Variants in PHYHD1 observed in about 807,000 individuals in gnomAD.
PHYHD1 encodes phytanoyl-CoA dioxygenase domain-containing protein 1.
Under a neutral mutation model 43.6 loss-of-function variants are expected in PHYHD1, and 42 were observed. That is an observed-to-expected ratio of 0.96 (90% CI 0.75 to 1.25). The LOEUF is 1.25. Among genes scored for constraint, PHYHD1 ranks in the 50% most tolerant of loss-of-function variants. The pLI, the probability that PHYHD1 is intolerant of heterozygous loss-of-function variation, is 0.00. For missense variants in PHYHD1, 342 were observed against 370.8 expected (o/e 0.92, Z 0.64); for synonymous variants, 139 against 143.6 (o/e 0.97, Z 0.23).
Position 128,941,845 on chromosome 9 carries a change from T to A in PHYHD1, c.*132T>A. The A allele has an allele frequency of 3.9e-6, 5 of 1,268,846 alleles. No individual in the cohort carries two copies. Among genetic ancestry groups the A allele is most frequent in the Non-Finnish European group, 5.6e-6 (5 of 897,594 alleles). 78.6% of individuals were successfully genotyped at this position (1,268,846 alleles called of 1,614,324 possible). ...CCTCCTGGGCTTTCCTCCTGCCCTG[T>A]GGGCAGCAGCCTAGGCTGGGTCAGG... On this transcript the variant is annotated 3_prime_UTR_variant, in exon 13 of 13. Coordinates refer to ENST00000372592, the MANE Select transcript of PHYHD1 (RefSeq NM_001100876.2).
Position 128,933,838 on chromosome 9 carries a change from A to G in PHYHD1, c.249A>G (p.Lys83=). 1 of 1,614,150 alleles carries G rather than the reference A, an allele frequency of 6.2e-7. No individual in the cohort carries two copies. Among genetic ancestry groups the G allele is most frequent in the Non-Finnish European group, 8.5e-7 (1 of 1,179,988 alleles). Residue 83 remains lysine, a synonymous_variant, in exon 5 of 13, where the codon AAA becomes AAG. Transcript: ENST00000372592. The part of the protein sequence containing the change: ...SGDKIRFFFE[K]GVFDEKGNFL... ...ACAAGATTCGATTCTTCTTTGAGAA[A>G]GGCGTTTTTGATGAGAAAGGTTTGG...
Position 128,935,550 on chromosome 9 carries a change from C to A in PHYHD1, c.317-898C>A, listed in dbSNP as rs1306667324. ...CTCCAGCCTGGGCAACAGAGCGAAA[C>A]TCTGTCTCAAAAAAAAAAAAAAAAA... On this transcript the variant is annotated intron_variant, in intron 6 of 12. Coordinates refer to ENST00000372592, the MANE Select transcript of PHYHD1 (RefSeq NM_001100876.2). Among the ~76,000 whole-genome samples, 10 of 133,718 alleles carry A rather than the reference C, an allele frequency of 7.5e-5. No homozygotes were observed. In the South Asian group the frequency reaches 2.4e-3, roughly 32 times the overall value. The allele number at this position is 133,718 out of a possible 152,430, so 87.7% of individuals were successfully genotyped here. A position where few individuals can be genotyped will look rare whatever the true frequency, so the allele number is the denominator to read the frequency against.
At chr9:128,941,320 G>A (rs1456394040) in intron 11 of PHYHD1, 125 bp from the exon 12 acceptor site, 5 of 1,308,030 alleles carry the variant, frequency 3.8e-6, no homozygotes, top group Non-Finnish European at 4.2e-6. Context: ...GAGCTTTCAG[G>A]GAAGGGAATG....
intron 4 of PHYHD1, among the ~76,000 whole-genome samples, chr9:128,928,848 C>T (rs551677090): frequency 4.6e-5 from 7 of 152,260 alleles, no homozygotes; most frequent in African/African-American, 7.2e-5. Flanking sequence ...GATCAGTGGG[C>T]GTCCTGTTTC....
intron 4 of PHYHD1, 89 bp from the exon 5 acceptor site, chr9:128,933,692 TG>T: frequency 7.4e-7 from 1 of 1,358,852 alleles, no homozygotes; most frequent in Non-Finnish European, 1.1e-6. Context: ...CCTGTGAGGG[TG>T]GGAAGCTTCT....
chr9:128,930,237 G>A (rs564092046), intron 4 of PHYHD1, among the ~76,000 whole-genome samples: 14 of 150,210 alleles, frequency 9.3e-5, no homozygotes, highest in South Asian at 2.1e-4. Context: ...CCAAGATTGC[G>A]CCACTGGACT....
Position 128,931,908 on chromosome 9 carries a change from C to T in PHYHD1, c.193-1874C>T, listed in dbSNP as rs548763567. Among the ~76,000 whole-genome samples the T allele has an allele frequency of 2.6e-5, 4 of 151,204 alleles. No individual in the cohort carries two copies. The East Asian group carries it at 7.8e-4, about 29-fold the overall frequency. ...GGAGTGCAATGGTGCGATCTTGGCT[C>T]ATTGCAACCTCCACCTCCTGGGTTC... On this transcript the variant is annotated intron_variant, in intron 4 of 12. Transcript: ENST00000372592.
chr9:128,937,905 G>T, intron 9 of PHYHD1, 127 bp downstream of exon 9: 1 of 1,552,066 alleles, frequency 6.4e-7, no homozygotes, highest in Non-Finnish European at 8.7e-7. Context: ...GGCCCGGAGA[G>T]GAGGAGCCAC....
At chr9:128,937,707 C>A (rs1841459676) in intron 8 of PHYHD1, 50 bp from the exon 9 acceptor site, 1 of 1,610,116 alleles carries the variant, frequency 6.2e-7, no homozygotes, top group Non-Finnish European at 8.5e-7. Context: ...GCAAGCCCAG[C>A]TCCTCTCTGC....
rs1564540363 is a variant in PHYHD1, at chr9:128,932,163, A to ATTTTTTTTT, written c.193-1617_193-1616insTTTTTTTTT. On this transcript the variant is annotated intron_variant, in intron 4 of 12. Transcript: ENST00000372592. ...GGAAGTCAGTTCTATTATTATTATT[A>ATTTTTTTTT]TTATTGTTATTATTATTATTATTTT... is the stretch of plus-strand genomic sequence containing the variant. 4.8e-5 allele frequency among the ~76,000 whole-genome samples: 6 copies of ATTTTTTTTT among 125,346 alleles called. 1 individual carries two copies. The highest frequency in any genetic ancestry group is 1.7e-4 in the African/African-American group (5 of 29,842). The allele number at this position is 125,346 out of a possible 152,430, so 82.2% of individuals were successfully genotyped here. A position where few individuals can be genotyped will look rare whatever the true frequency, so the allele number is the denominator to read the frequency against.
chr9:128,941,451 T>C lies in PHYHD1; in HGVS notation c.710T>C (p.Leu237Pro). The change falls in exon 12 of 13, where the codon CTG (leucine) becomes CCG (proline). Residue 237 changes from leucine (L) to proline (P), a missense_variant. Physicochemically the swap from Leu to Pro is moderately conservative, Grantham distance 98. Transcript: ENST00000372592. ...FVPTPVQRGA[L>P]VLIHGEVVHK... ...CTGCTTGTGTCTCTGCCAGGGGCCC[T>C]GGTCCTCATCCATGGAGAAGTGGTA... The C allele has an allele frequency of 6.2e-7, 1 of 1,613,476 alleles. No individual in the cohort carries two copies. Among genetic ancestry groups the C allele is most frequent in the South Asian group, 1.1e-5 (1 of 91,066 alleles).
intron 8 of PHYHD1, among the ~76,000 whole-genome samples, chr9:128,937,235 G>C (rs1307060865): frequency 6.6e-6 from 1 of 151,364 alleles, no homozygotes; most frequent in Non-Finnish European, 1.5e-5. Context: ...GCAATATAGC[G>C]AGACCCCATT....
At chr9:128,935,816 C>T (rs528873311) in intron 6 of PHYHD1, among the ~76,000 whole-genome samples, 2 of 151,450 alleles carry the variant, frequency 1.3e-5, no homozygotes, top group African/African-American at 2.4e-5. Context: ...GCAGGAGAAT[C>T]GCTTGAACTA....
intron 6 of PHYHD1, among the ~76,000 whole-genome samples, chr9:128,936,247 A>G (rs1841419819): frequency 6.6e-6 from 1 of 151,974 alleles, no homozygotes; most frequent in Non-Finnish European, 1.5e-5. Context: ...AAGGTCAAGA[A>G]TAAGGGCATG....
intron 3 of PHYHD1, among the ~76,000 whole-genome samples, chr9:128,925,033 C>G (rs763672444): frequency 2.0e-5 from 3 of 152,134 alleles, no homozygotes; most frequent in Non-Finnish European, 4.4e-5. Flanking sequence ...GCCCAATTCC[C>G]AAGGAGGCAA....
intron 3 of PHYHD1, among the ~76,000 whole-genome samples, chr9:128,925,979 T>C (rs1015062306): frequency 2.6e-5 from 4 of 152,192 alleles, no homozygotes; most frequent in Admixed American, 6.6e-5. Context: ...CCTCTCTCTC[T>C]GGCACGAAGT....
chr9:128,933,153 T>A (rs1218860692), intron 4 of PHYHD1, among the ~76,000 whole-genome samples: 1 of 142,362 alleles, frequency 7.0e-6, no homozygotes, highest in South Asian at 2.5e-4. Context: ...ACCCAGACTT[T>A]TTTTTTTTTT....
rs778938230 is a variant in PHYHD1 at position 128,940,662 on chromosome 9, G to T, written c.650G>T (p.Gly217Val). Residue 217 changes from glycine (G) to valine (V), a missense_variant, in exon 11 of 13, where the codon GGG (glycine) becomes GTG (valine). By Grantham distance (109) the Gly-to-Val change is moderately radical. Transcript: ENST00000372592. ...TCAGCGCCTGGTACCAGCTTCCTTG[G>T]GTCAGAGCCAGCCCGGGATAACAGC... ...VGSAPGTSFL[G>V]SEPARDNSLF... 3 of 1,614,010 alleles carry T rather than the reference G, an allele frequency of 1.9e-6. No individual in the cohort carries two copies. In the Admixed American group the frequency reaches 5.0e-5, roughly 27 times the overall value.
chr9:128,940,629 C>A lies in PHYHD1; in HGVS notation c.617C>A (p.Pro206His), dbSNP rs915051837. ...SGVSRRMVRA[P>H]VGSAPGTSFL... ...GTGTCAAGAAGGATGGTCCGGGCCC[C>A]TGTTGGCTCAGCGCCTGGTACCAGC... Residue 206 changes from proline to histidine, a missense_variant, in exon 11 of 13, where the codon CCT becomes CAT. Physicochemically the swap from Pro to His is moderately conservative, Grantham distance 77. Coordinates refer to ENST00000372592, the MANE Select transcript of PHYHD1 (RefSeq NM_001100876.2). The A allele has an allele frequency of 6.2e-7, 1 of 1,614,070 alleles. No individual in the cohort carries two copies.
Sources: allele counts gnomAD v4.1 joint callset (sites outside exome capture counted in the v4.1 genomes callset), GRCh38; gene constraint gnomAD v4.1.1; transcripts MANE v1.5; gene names NCBI Gene and HGNC (gene_info 2026-07-23, HGNC 2026-07-21).